CNTNAP5: variants seen among roughly 807,000 people sequenced by gnomAD.
The protein encoded by CNTNAP5 is contactin-associated protein-like 5.
Under a neutral mutation model 150.2 loss-of-function variants are expected in CNTNAP5, and 72 were observed. The ratio of observed to expected loss-of-function variants is 0.48; its 90% CI spans 0.40 to 0.58. The LOEUF (loss-of-function observed/expected upper bound fraction) is 0.58, where lower values mean the gene tolerates loss of function less well. Among genes scored for constraint, CNTNAP5 ranks in the 20% least tolerant of loss-of-function variants. The pLI is 0.00. For missense variants in CNTNAP5, 1,636 were observed against 1,626.2 expected (o/e 1.01, Z -0.10); for synonymous variants, 672 against 619.8 (o/e 1.08, Z -1.25).
At chr2:124,560,550 A>C in intron 10 of CNTNAP5, among the ~76,000 whole-genome samples, 1 of 152,136 alleles carries the variant, frequency 6.6e-6, no homozygotes, top group East Asian at 1.9e-4. Flanking sequence ...AAGTGCAGAA[A>C]ACGTTTCTTT....
intron 19 of CNTNAP5, among the ~76,000 whole-genome samples, chr2:124,859,129 G>A (rs1338919567): frequency 2.0e-5 from 3 of 151,932 alleles, no homozygotes; most frequent in South Asian, 2.1e-4. Context: ...GCAACCTACA[G>A]AATGGGAGAA....
rs80075034 is a variant in CNTNAP5 at position 124,783,805 on chromosome 2, C to T, written c.2753-6097C>T. The stretch of plus-strand genomic sequence containing the variant: ...CCTTTTGGGCATCCAGTTAATACTA[C>T]CAGTATTATTAAATAGTGTATGTTT... On this transcript the variant is annotated intron_variant, in intron 17 of 23. Transcript: ENST00000682447. Among the ~76,000 whole-genome samples the T allele has an allele frequency of 2.4e-4, 36 of 152,132 alleles. No individual in the cohort carries two copies. In the East Asian group the frequency reaches 5.4e-3, roughly 23 times the overall value.
chr2:124,850,620 G>T (rs1201063537), intron 19 of CNTNAP5, among the ~76,000 whole-genome samples: 1 of 152,160 alleles, frequency 6.6e-6, no homozygotes, highest in East Asian at 1.9e-4. Context: ...GATGGTAAAT[G>T]GAACCACAGC....
At chr2:124,356,086 T>C (rs1235329080) in intron 3 of CNTNAP5, among the ~76,000 whole-genome samples, 1 of 152,198 alleles carries the variant, frequency 6.6e-6, no homozygotes, top group East Asian at 1.9e-4. Context: ...GGTAGTCATA[T>C]AGTTTGACCA....
chr2:124,404,792 C>A (rs943192869), intron 3 of CNTNAP5, among the ~76,000 whole-genome samples: 1 of 152,084 alleles, frequency 6.6e-6, no homozygotes, highest in Non-Finnish European at 1.5e-5. Context: ...CTTTGAAGAG[C>A]AAATTTCACT....
chr2:124,336,941 A>G (rs1373158600), intron 3 of CNTNAP5, among the ~76,000 whole-genome samples: 2 of 152,108 alleles, frequency 1.3e-5, no homozygotes, highest in Non-Finnish European at 2.9e-5. Flanking sequence ...TTCCCTGAGG[A>G]ATCGCCACAC....
chr2:124,336,347 T>C (rs1432706499), intron 3 of CNTNAP5, among the ~76,000 whole-genome samples: 1 of 152,132 alleles, frequency 6.6e-6, no homozygotes, highest in African/African-American at 2.4e-5. Flanking sequence ...TAGCACTCTG[T>C]TTGTCCAAAT....
chr2:124,481,105 G>A (rs1033185495), intron 7 of CNTNAP5, among the ~76,000 whole-genome samples: 20 of 152,172 alleles, frequency 1.3e-4, no homozygotes, highest in African/African-American at 3.1e-4. Context: ...GTGCCAGGAC[G>A]ATCGGGTTCG....
intron 13 of CNTNAP5, among the ~76,000 whole-genome samples, chr2:124,707,102 A>AGG: frequency 2.3e-5 from 3 of 132,842 alleles, no homozygotes; most frequent in Admixed American, 1.5e-4. Flanking sequence ...GAAGAAGAGG[A>AGG]AGAAGAAGAG....
In CNTNAP5 at chr2:124,919,268, A is replaced by G. The variant is rs1052876933; in HGVS notation, c.*4980A>G. Among the ~76,000 whole-genome samples the G allele has an allele frequency of 6.6e-5, 10 of 152,126 alleles. No individual in the cohort carries two copies. The highest frequency in any genetic ancestry group is 6.6e-4 in the Admixed American group (10 of 15,252). On this transcript the variant is annotated 3_prime_UTR_variant, in exon 24 of 24. Transcript: ENST00000682447. ...GACAATTATTTGAATCCTTCATATAAGGTTTTAATAATTAACCGGTTTGCT... is the reference window on the plus strand; with the variant it reads ...GACAATTATTTGAATCCTTCATATAGGGTTTTAATAATTAACCGGTTTGCT...
chr2:124,852,286 A>T (rs111243042), intron 19 of CNTNAP5, among the ~76,000 whole-genome samples: 2,399 of 152,288 alleles, frequency 0.016, 73 homozygotes, highest in African/African-American at 0.054. Context: ...GTGTGCATGG[A>T]TATGGAGACA....
chr2:124,891,133 G>A (rs1312389504), intron 21 of CNTNAP5, among the ~76,000 whole-genome samples: 1 of 152,060 alleles, frequency 6.6e-6, no homozygotes, highest in Admixed American at 6.6e-5. Context: ...GAGTTCTTCA[G>A]CTACTTGTGA....
chr2:124,848,075 G>A (rs896387644), intron 19 of CNTNAP5, among the ~76,000 whole-genome samples: 1 of 152,008 alleles, frequency 6.6e-6, no homozygotes, highest in African/African-American at 2.4e-5. Context: ...ACTGTGTAAT[G>A]GTTACCACAA....
chr2:124,511,047 T>G (rs1694576898), intron 8 of CNTNAP5, among the ~76,000 whole-genome samples: 1 of 152,166 alleles, frequency 6.6e-6, no homozygotes, highest in Admixed American at 6.5e-5. Flanking sequence ...CATTGAGCAA[T>G]AGATATCATG....
At chr2:124,800,851 C>T (rs1175398856) in intron 19 of CNTNAP5, among the ~76,000 whole-genome samples, 1 of 152,064 alleles carries the variant, frequency 6.6e-6, no homozygotes, top group Non-Finnish European at 1.5e-5. Flanking sequence ...AGTCCTGAGC[C>T]AAATATGAGT....
At chr2:124,765,182 T>A (rs1013419144) in intron 16 of CNTNAP5, among the ~76,000 whole-genome samples, 1 of 152,114 alleles carries the variant, frequency 6.6e-6, no homozygotes, top group Non-Finnish European at 1.5e-5. Flanking sequence ...TGTTAATGTT[T>A]TTACTTCAGG....
intron 1 of CNTNAP5, among the ~76,000 whole-genome samples, chr2:124,184,375 G>A (rs1011523572): frequency 1.2e-4 from 19 of 152,120 alleles, no homozygotes; most frequent in Admixed American, 6.5e-5. Context: ...GCAGCACGCT[G>A]GTGTATGGTT....
At chr2:124,886,407 C>A (rs181178171) in intron 21 of CNTNAP5, among the ~76,000 whole-genome samples, 2 of 152,174 alleles carry the variant, frequency 1.3e-5, no homozygotes, top group Non-Finnish European at 2.9e-5. Context: ...AATCTATCCT[C>A]TTTGAAATGT....
chr2:124,307,628 AC>A (rs1329088596), intron 3 of CNTNAP5, among the ~76,000 whole-genome samples: 20 of 152,226 alleles, frequency 1.3e-4, no homozygotes, highest in Middle Eastern at 3.4e-3. Context: ...ATATAATGTG[AC>A]CCCAGATTCA....
Sources: allele counts gnomAD v4.1 joint callset (sites outside exome capture counted in the v4.1 genomes callset), GRCh38; gene constraint gnomAD v4.1.1; transcripts MANE v1.5; gene names NCBI Gene and HGNC (gene_info 2026-07-23, HGNC 2026-07-21).